The following MAML2 variants were observed in gnomAD, a reference collection of about 807,000 sequenced individuals.
MAML2 encodes the protein mastermind like transcriptional coactivator 2, also known as mastermind-like protein 2.
A neutral mutation model predicts 96.1 loss-of-function variants in MAML2; 22 were observed. The observed-to-expected ratio is 0.23, with a 90% CI of 0.16 to 0.33. The LOEUF is 0.33. MAML2 is among the 10% of genes least tolerant of loss of function. MAML2 has a pLI of 1.00. For missense variants in MAML2, 1,367 were observed against 1,392.4 expected (o/e 0.98, Z 0.29); for synonymous variants, 561 against 521.3 (o/e 1.08, Z -1.04).
chr11:96,146,519 G>C (rs1860824320), intron 1 of MAML2, among the ~76,000 whole-genome samples: 1 of 152,214 alleles, frequency 6.6e-6, no homozygotes, highest in Non-Finnish European at 1.5e-5. Flanking sequence ...GCTGTTATGA[G>C]TCTGTTGTCT....
In MAML2 at chr11:96,101,429, C is replaced by T. The variant is rs1156560961; in HGVS notation, c.514-7912G>A. Among the ~76,000 whole-genome samples the T allele has an allele frequency of 2.0e-5, 3 of 152,224 alleles. No individual in the cohort carries two copies. The East Asian group carries it at 5.8e-4, about 29-fold the overall frequency. ...GAGAAAGGGAAGGGAACCAGTACAA[C>T]ACTACCTCGGAGAGGCAGACATCTT... On this transcript the variant is annotated intron_variant, in intron 1 of 4. Transcript: ENST00000524717.
chr11:96,028,920 G>A (rs1401851518), intron 2 of MAML2, among the ~76,000 whole-genome samples: 1 of 151,858 alleles, frequency 6.6e-6, no homozygotes, highest in Non-Finnish European at 1.5e-5. Flanking sequence ...TTAAAATAAG[G>A]CTATAAAAAT....
rs149006316 is a variant in MAML2 at position 96,092,039 on chromosome 11, T to TTGCTGC, written c.1986_1991dup (p.Gln664_Gln665dup). The TTGCTGC allele has an allele frequency of 1.3e-6, 2 of 1,557,832 alleles. No individual in the cohort carries two copies. Among genetic ancestry groups the TTGCTGC allele is most frequent in the South Asian group, 2.4e-5 (2 of 84,528 alleles). ...ATTGGGCAGGCTGAGAAGATGGTTG[T>TTGCTGC]TGCTGCTGCTGCTGCTGCTGTTGTT... is the stretch of plus-strand genomic sequence containing the variant. On this transcript the variant is annotated inframe_insertion, in exon 2 of 5. Coordinates refer to ENST00000524717, the MANE Select transcript of MAML2 (RefSeq NM_032427.4). This position sits in a 1 kb window ranked among gnomAD's most constrained non-coding sequence, Gnocchi z 4.1.
At position 95,985,267 on chromosome 11, in the gene MAML2, C is replaced by T. The variant is rs138456599; in HGVS notation, c.2455+264G>A. Among the ~76,000 whole-genome samples the T allele has an allele frequency of 3.3e-5, 5 of 152,234 alleles. No homozygotes were observed. In the East Asian group the frequency reaches 7.7e-4, roughly 23 times the overall value. On this transcript the variant is annotated intron_variant, in intron 4 of 4. Transcript: ENST00000524717. ...TATCTTTGGAAGGAGAATGATTGAA[C>T]CTAACAGAAAAATATTTAGCTCTTT...
intron 1 of MAML2, among the ~76,000 whole-genome samples, chr11:96,208,746 A>G (rs1190532635): frequency 6.6e-6 from 1 of 152,234 alleles, no homozygotes; most frequent in Non-Finnish European, 1.5e-5. Context: ...AAAAGAACTC[A>G]GAAGGTCAAT....
chr11:96,007,219 G>C (rs1217791074), intron 2 of MAML2, among the ~76,000 whole-genome samples: 2 of 150,298 alleles, frequency 1.3e-5, no homozygotes, highest in Non-Finnish European at 1.5e-5. Flanking sequence ...CACCATGTTG[G>C]CCAGGATGGT....
At chr11:96,333,311 A>C (rs975840065) in intron 1 of MAML2, among the ~76,000 whole-genome samples, 1 of 152,146 alleles carries the variant, frequency 6.6e-6, no homozygotes, top group Non-Finnish European at 1.5e-5. Context: ...TATTATCCTC[A>C]AGAAAGGGGA....
intron 2 of MAML2, among the ~76,000 whole-genome samples, chr11:95,996,068 AAATCAATC>A (rs58055593): frequency 1.3e-5 from 2 of 151,262 alleles, no homozygotes; most frequent in African/African-American, 2.4e-5. Flanking sequence ...GTTGAAGGAA[AAATCAATC>A]AATCAATCAA....
chr11:96,342,492 G>A lies in MAML2; in HGVS notation c.-597C>T. The A allele has an allele frequency of 2.5e-6, 1 of 398,564 alleles. No homozygotes were observed. The allele number at this position is 398,564 out of a possible 1,614,324, so 24.7% of individuals were successfully genotyped here. ...ACAAAACAGTGCTGTTTCAGAAGAT[G>A]TTTAAGTCACTGTTCAAAATGTGCA... is the stretch of plus-strand genomic sequence containing the variant. On this transcript the variant is annotated 5_prime_UTR_variant, in exon 1 of 5. Coordinates refer to ENST00000524717, the MANE Select transcript of MAML2 (RefSeq NM_032427.4).
At chr11:96,110,373 A>G (rs1255926882) in intron 1 of MAML2, among the ~76,000 whole-genome samples, 3 of 152,206 alleles carry the variant, frequency 2.0e-5, no homozygotes, top group Non-Finnish European at 4.4e-5. Context: ...TCTAGAATGG[A>G]GGATTCCGCC....
chr11:96,069,407 C>T (rs143844318), intron 2 of MAML2, among the ~76,000 whole-genome samples: 17 of 152,276 alleles, frequency 1.1e-4, no homozygotes, highest in African/African-American at 4.1e-4. Flanking sequence ...GGCGAGGTGG[C>T]TCACGCCTGT....
intron 1 of MAML2, among the ~76,000 whole-genome samples, chr11:96,122,531 C>T (rs1011883365): frequency 2.4e-5 from 3 of 126,924 alleles, no homozygotes; most frequent in Non-Finnish European, 5.3e-5. Context: ...TGTGTGTGTG[C>T]ACGTGCACGT....
chr11:96,056,591 T>C (rs1859074297), intron 2 of MAML2, among the ~76,000 whole-genome samples: 1 of 152,158 alleles, frequency 6.6e-6, no homozygotes, highest in African/African-American at 2.4e-5. Flanking sequence ...ATATACACAA[T>C]AGATTCTTCA....
intron 1 of MAML2, among the ~76,000 whole-genome samples, chr11:96,153,801 A>C (rs974139811): frequency 1.3e-5 from 2 of 151,956 alleles, no homozygotes; most frequent in African/African-American, 4.8e-5. Flanking sequence ...ATCCTAGCTA[A>C]TCAGGAGGCT....
At chr11:96,222,329 A>G (rs1470399772) in intron 1 of MAML2, among the ~76,000 whole-genome samples, 1 of 152,150 alleles carries the variant, frequency 6.6e-6, no homozygotes, top group Admixed American at 6.6e-5. Flanking sequence ...CAGCACTAGC[A>G]GTCACCCTGA....
At chr11:96,174,556 G>A (rs1591055005) in intron 1 of MAML2, among the ~76,000 whole-genome samples, 1 of 152,110 alleles carries the variant, frequency 6.6e-6, no homozygotes, top group Non-Finnish European at 1.5e-5. Flanking sequence ...GCTAATTTTT[G>A]TATTTTTAGT....
intron 1 of MAML2, among the ~76,000 whole-genome samples, chr11:96,311,997 T>G (rs934577491): frequency 2.0e-5 from 3 of 151,902 alleles, no homozygotes; most frequent in African/African-American, 7.3e-5. Context: ...TCCCAGCACT[T>G]TGGGAGGCCG....
intron 1 of MAML2, among the ~76,000 whole-genome samples, chr11:96,152,863 C>G (rs1860945696): frequency 6.6e-6 from 1 of 152,174 alleles, no homozygotes; most frequent in African/African-American, 2.4e-5. Flanking sequence ...GCCCTCAAGA[C>G]AAGCAGCCTG....
At chr11:96,070,530 T>C (rs948960780) in intron 2 of MAML2, among the ~76,000 whole-genome samples, 4 of 152,232 alleles carry the variant, frequency 2.6e-5, no homozygotes, top group African/African-American at 7.2e-5. Flanking sequence ...GGGAAGCTGC[T>C]TGCAGTGCCT....
Sources: allele counts gnomAD v4.1 joint callset (sites outside exome capture counted in the v4.1 genomes callset), GRCh38; gene constraint gnomAD v4.1.1; non-coding constraint Gnocchi (gnomAD v3.1); transcripts MANE v1.5; gene names NCBI Gene and HGNC (gene_info 2026-07-23, HGNC 2026-07-21).